Variants in RBM33 observed in about 807,000 individuals in gnomAD.
RBM33 encodes the protein RNA-binding protein 33.
Under a neutral mutation model 132.6 loss-of-function variants are expected in RBM33, and 28 were observed. The ratio of observed to expected loss-of-function variants is 0.21; its 90% CI spans 0.16 to 0.29. The LOEUF is 0.29. Ranked by LOEUF, RBM33 falls within the 10% of genes least tolerant of loss-of-function variation. RBM33 has a pLI of 1.00. For synonymous variants in RBM33, 634 were observed against 593.0 expected, an observed-to-expected ratio of 1.07 and a Z score of -1.01; for missense variants, 1,291 against 1,518.5, an observed-to-expected ratio of 0.85 and a Z score of 2.49.
chr7:155,725,605 TAGG>T (rs1027889650), intron 9 of RBM33, among the ~76,000 whole-genome samples: 39 of 152,066 alleles, frequency 2.6e-4, no homozygotes, highest in African/African-American at 8.2e-4. Flanking sequence ...GGCCAGTCAT[TAGG>T]AGGAGTTGTT....
At position 155,654,628 on chromosome 7, in the gene RBM33, A is replaced by G. The variant is rs78649704; in HGVS notation, c.43+9709A>G. Among the ~76,000 whole-genome samples, 1,391 of 152,270 alleles carry G rather than the reference A, an allele frequency of 9.1e-3. 16 individuals carry two copies. The highest frequency in any genetic ancestry group is 0.032 in the African/African-American group (1,313 of 41,540). ...TGGAATGCCCATCTACTTGACAAAA[A>G]TGTAGTTATTCTCAGCCTTCATCTC... On this transcript the variant is annotated intron_variant, in intron 1 of 17. Coordinates refer to ENST00000401878, the MANE Select transcript of RBM33 (RefSeq NM_053043.3).
chr7:155,743,379 T>G (rs1408632868), intron 13 of RBM33, among the ~76,000 whole-genome samples: 1 of 152,236 alleles, frequency 6.6e-6, no homozygotes, highest in Non-Finnish European at 1.5e-5. Flanking sequence ...ATAGGGGAAG[T>G]TGCCTTTCAG....
At position 155,738,145 on chromosome 7, in the gene RBM33, C is replaced by T. The variant is rs1221726664; in HGVS notation, c.1479C>T (p.Asn493=). The change falls in exon 11 of 18, where the codon AAC becomes AAT. Residue 493 remains asparagine (N), a synonymous_variant. Transcript: ENST00000401878. The part of the protein sequence containing the change: ...PPPPPPPTLL[N]SSHPVPTQSP... Reference sequence around the variant, plus strand: ...CACCACCGCCTCCTACCCTTCTTAACAGTAGCCATCCTGTTCCTACTCAGA... The same window carrying T: ...CACCACCGCCTCCTACCCTTCTTAATAGTAGCCATCCTGTTCCTACTCAGA... 1.2e-6 allele frequency: 2 copies of T among 1,613,984 alleles called. No individual in the cohort carries two copies. Among genetic ancestry groups the T allele is most frequent in the Non-Finnish European group, 1.7e-6 (2 of 1,179,892 alleles).
chr7:155,698,552 G>A (rs112619275), intron 5 of RBM33, among the ~76,000 whole-genome samples: 1 of 152,158 alleles, frequency 6.6e-6, no homozygotes, highest in African/African-American at 2.4e-5. Context: ...AGCCGTGTTT[G>A]GTGGTTTGTC....
chr7:155,737,902 A>G (rs1431270367), intron 10 of RBM33, among the ~76,000 whole-genome samples, 158 bp from the exon 11 acceptor site: 2 of 152,180 alleles, frequency 1.3e-5, no homozygotes, highest in Admixed American at 6.5e-5. Context: ...AAATGAAGCA[A>G]TCTAGAAATA....
At chr7:155,756,523 G>A (rs1320016297) in intron 14 of RBM33, among the ~76,000 whole-genome samples, 10 of 152,206 alleles carry the variant, frequency 6.6e-5, no homozygotes, top group East Asian at 3.8e-4. Context: ...AATTGAAAGC[G>A]TTGTTTCCAC....
At chr7:155,663,359 C>T (rs76588168) in intron 1 of RBM33, among the ~76,000 whole-genome samples, 5,264 of 151,968 alleles carry the variant, frequency 0.035, 309 homozygotes, top group African/African-American at 0.12. Context: ...GTGGTGTCAG[C>T]GCCTGCTCAG....
chr7:155,737,647 C>A lies in RBM33; in HGVS notation c.1378C>A (p.Pro460Thr). 6.3e-7 allele frequency: 1 copy of A among 1,592,888 alleles called. No individual in the cohort carries two copies. Among genetic ancestry groups the A allele is most frequent in the South Asian group, 1.1e-5 (1 of 87,200 alleles). The change falls in exon 10 of 18, where the codon CCT becomes ACT. Residue 460 changes from proline to threonine, a missense_variant. This residue lies in a region of RBM33 where 841 missense variants were observed against 912.0 expected (regional missense o/e 0.92). Transcript: ENST00000401878. ...CCCACCCCCGCCTCAGGATCGAGAC[C>A]CTTTCTTCTTAGGAGGTACAGAAAG... is the stretch of plus-strand genomic sequence containing the variant. ...RAPPPPQDRD[P>T]FFLGVSGEPR...
chr7:155,662,220 T>C (rs1798671664), intron 1 of RBM33, among the ~76,000 whole-genome samples: 1 of 152,174 alleles, frequency 6.6e-6, no homozygotes, highest in Admixed American at 6.5e-5. Flanking sequence ...CATAAATTGC[T>C]TTATAAATTG....
rs577146835 is a variant in RBM33, at chr7:155,729,171, A to G, written c.1261-8359A>G. ...GTGGGGCAAGTGCCACTTTTAAACCATCAGATCTTGTGAAAACTCACATAC... is the reference window on the plus strand; with the variant it reads ...GTGGGGCAAGTGCCACTTTTAAACCGTCAGATCTTGTGAAAACTCACATAC... On this transcript the variant is annotated intron_variant, in intron 9 of 17. Coordinates refer to ENST00000401878, the MANE Select transcript of RBM33 (RefSeq NM_053043.3). Among the ~76,000 whole-genome samples the G allele has an allele frequency of 1.4e-3, 219 of 152,308 alleles. 5 individuals are homozygous for G. The highest frequency in any genetic ancestry group is 5.0e-3 in the African/African-American group (208 of 41,564).
At position 155,778,485 on chromosome 7, in the gene RBM33, C is replaced by T. The variant is rs1802696438; in HGVS notation, c.*3444C>T. The T allele has an allele frequency of 6.6e-6, 1 of 152,290 alleles. No individual in the cohort carries two copies. Among genetic ancestry groups the T allele is most frequent in the Non-Finnish European group, 1.5e-5 (1 of 68,102 alleles). The allele number at this position is 152,290 out of a possible 1,614,324, so 9.4% of individuals were successfully genotyped here. ...AAGCTGTCATCTCAGTGTTAATAAT[C>T]AACTTGCTTCTAACACACTGGCTTA... On this transcript the variant is annotated 3_prime_UTR_variant, in exon 18 of 18. Coordinates refer to ENST00000401878, the MANE Select transcript of RBM33 (RefSeq NM_053043.3). This position sits in a 1 kb window ranked among gnomAD's most constrained non-coding sequence, Gnocchi z 4.0.
chr7:155,673,940 G>GTTGTTGTTTGTT, intron 3 of RBM33, among the ~76,000 whole-genome samples: 878 of 54,220 alleles, frequency 0.016, 161 homozygotes, highest in East Asian at 0.028. Flanking sequence ...TTTAGGCTTA[G>GTTGTTGTTTGTT]TTTTTTTTTT....
At chr7:155,747,784 T>A (rs1801563991) in intron 14 of RBM33, among the ~76,000 whole-genome samples, 1 of 152,254 alleles carries the variant, frequency 6.6e-6, no homozygotes, top group Non-Finnish European at 1.5e-5. Context: ...CATTGGCACT[T>A]TTGACCTAGC....
chr7:155,667,599 A>G (rs762730917), intron 2 of RBM33, among the ~76,000 whole-genome samples: 1 of 152,012 alleles, frequency 6.6e-6, no homozygotes, highest in Non-Finnish European at 1.5e-5. Flanking sequence ...TTGACAGGCC[A>G]TTTATCTTGG....
intron 1 of RBM33, among the ~76,000 whole-genome samples, chr7:155,658,849 T>C (rs1427422989): frequency 1.3e-5 from 2 of 152,196 alleles, no homozygotes; most frequent in African/African-American, 4.8e-5. Flanking sequence ...GAACCTAACA[T>C]TGGTTTTCAT....
At chr7:155,668,484 G>A (rs1798859229) in intron 2 of RBM33, among the ~76,000 whole-genome samples, 1 of 152,182 alleles carries the variant, frequency 6.6e-6, no homozygotes, top group Non-Finnish European at 1.5e-5. Flanking sequence ...ATTCAGGTTT[G>A]AACTTGGGGG....
chr7:155,726,519 TATA>T (rs1021739487), intron 9 of RBM33, among the ~76,000 whole-genome samples: 3 of 152,190 alleles, frequency 2.0e-5, no homozygotes, highest in African/African-American at 7.2e-5. Flanking sequence ...TTTAAAAGAA[TATA>T]AAGAAAAGCA....
At chr7:155,707,205 CT>C in intron 7 of RBM33, 137 bp downstream of exon 7, 1 of 805,568 alleles carries the variant, frequency 1.2e-6, no homozygotes, top group Non-Finnish European at 2.1e-6. Context: ...GCTGAAGTTT[CT>C]GCTTTATAGT....
In RBM33 at chr7:155,763,987, A is replaced by G. The variant is rs182407962; in HGVS notation, c.3155A>G (p.Lys1052Arg). The change falls in exon 15 of 18, where the codon AAA (lysine) becomes AGA (arginine). Residue 1052 changes from lysine (K) to arginine (R), a missense_variant. Transcript: ENST00000401878. The stretch of plus-strand genomic sequence containing the variant: ...CACTCGCCTGTCCCTCCAGGGATCA[A>G]AAGCATCCAAGGAATTCACCCGGCG... The part of the protein sequence containing the change: ...HAHSPVPPGI[K>R]SIQGIHPAKK... The G allele has an allele frequency of 1.0e-4, 165 of 1,576,428 alleles. No individual in the cohort carries two copies. The African/African-American group carries it at 1.9e-3, about 18-fold the overall frequency.
Sources: gnomAD v4.1 joint callset for allele counts (sites outside exome capture counted in the v4.1 genomes callset) on GRCh38, gnomAD v4.1.1 for gene constraint, gnomAD v4.1.1 regional missense constraint, Gnocchi (gnomAD v3.1) non-coding constraint, MANE v1.5 for transcripts, NCBI Gene and HGNC (gene_info 2026-07-23, HGNC 2026-07-21) for gene names.